The following MAGI2 variants were observed in gnomAD, a reference collection of about 807,000 sequenced individuals.
MAGI2 encodes membrane-associated guanylate kinase, WW and PDZ domain-containing protein 2.
In MAGI2, 35 loss-of-function variants were observed where a neutral mutation model predicts 133.3. The ratio of observed to expected loss-of-function variants is 0.26; its 90% CI spans 0.20 to 0.35. The LOEUF (loss-of-function observed/expected upper bound fraction) is 0.35, where lower values mean the gene tolerates loss of function less well. Among genes scored for constraint, MAGI2 ranks in the 10% least tolerant of loss-of-function variants. The probability of loss-of-function intolerance (pLI) is 1.00; values close to 1 mark genes in which losing one functional copy is unlikely to be tolerated. For synonymous variants in MAGI2, 729 were observed against 710.6 expected, an observed-to-expected ratio of 1.03 and a Z score of -0.41; for missense variants, 1,636 against 1,863.4, an observed-to-expected ratio of 0.88 and a Z score of 2.25.
intron 21 of MAGI2, among the ~76,000 whole-genome samples, chr7:78,045,162 T>C (rs559854179): frequency 6.6e-5 from 10 of 152,140 alleles, no homozygotes; most frequent in Non-Finnish European, 1.3e-4. Flanking sequence ...CGAGACTTGG[T>C]CTCAAAAAAT....
intron 2 of MAGI2, among the ~76,000 whole-genome samples, chr7:78,924,299 G>T (rs962724399): frequency 1.1e-4 from 16 of 152,114 alleles, no homozygotes; most frequent in Admixed American, 5.9e-4. Context: ...GTTTCCAGTT[G>T]TTGCCCATTC....
intron 3 of MAGI2, among the ~76,000 whole-genome samples, chr7:78,564,783 CTTTTTTTTTT>C (rs35069216): frequency 3.7e-4 from 24 of 64,362 alleles, no homozygotes; most frequent in Admixed American, 2.0e-3. Flanking sequence ...CTTTGACATT[CTTTTTTTTTT>C]TTTTTTTTTT....
At chr7:79,307,790 T>C (rs951801518) in intron 1 of MAGI2, among the ~76,000 whole-genome samples, 2 of 152,216 alleles carry the variant, frequency 1.3e-5, no homozygotes, top group Non-Finnish European at 2.9e-5. Flanking sequence ...TGTGATTCTT[T>C]AAAGTGTCAA....
chr7:78,253,815 G>A (rs1041985914), intron 10 of MAGI2: 1 of 152,074 alleles, frequency 6.6e-6, no homozygotes, highest in Non-Finnish European at 1.5e-5. Context: ...ACCACCCATG[G>A]TCCTGATATA....
At chr7:79,384,801 T>C (rs1261179912) in intron 1 of MAGI2, among the ~76,000 whole-genome samples, 2 of 151,758 alleles carry the variant, frequency 1.3e-5, no homozygotes, top group African/African-American at 4.8e-5. Context: ...GTTTTTGTAA[T>C]ATGTGGAATG....
chr7:78,962,239 T>C (rs561782625), intron 2 of MAGI2, among the ~76,000 whole-genome samples: 1 of 152,184 alleles, frequency 6.6e-6, no homozygotes, highest in South Asian at 2.1e-4. Flanking sequence ...TGATGGATTA[T>C]CATAAAGCAA....
chr7:79,275,175 A>G (rs1025186798), intron 1 of MAGI2, among the ~76,000 whole-genome samples: 2 of 152,206 alleles, frequency 1.3e-5, no homozygotes, highest in Admixed American at 1.3e-4. Flanking sequence ...TAGTGATGAG[A>G]TAGATCAAAA....
chr7:78,023,516 T>A (rs1193350472), intron 21 of MAGI2, among the ~76,000 whole-genome samples: 7 of 152,164 alleles, frequency 4.6e-5, no homozygotes, highest in African/African-American at 1.7e-4. Flanking sequence ...ATGCTCTAAC[T>A]ACAATTAGAA....
intron 1 of MAGI2, among the ~76,000 whole-genome samples, chr7:79,178,290 A>G (rs1826293745): frequency 6.6e-6 from 1 of 152,016 alleles, no homozygotes; most frequent in South Asian, 2.1e-4. Context: ...ACGTTCTAGC[A>G]CTGATGGTAT....
intron 3 of MAGI2, among the ~76,000 whole-genome samples, chr7:78,527,029 A>AAAAAAAG (rs1563125198): frequency 7.2e-5 from 9 of 124,902 alleles, no homozygotes; most frequent in African/African-American, 1.2e-4. Flanking sequence ...AAAAAAAAAA[A>AAAAAAAG]AAAAAGAAAA....
chr7:78,397,238 G>A (rs1796426286), intron 6 of MAGI2, among the ~76,000 whole-genome samples: 1 of 152,016 alleles, frequency 6.6e-6, no homozygotes, highest in African/African-American at 2.4e-5. Context: ...GAGAAATGAA[G>A]ATAAATTTGG....
intron 1 of MAGI2, among the ~76,000 whole-genome samples, chr7:79,094,829 C>T (rs1190073364): frequency 1.3e-5 from 2 of 152,082 alleles, no homozygotes; most frequent in African/African-American, 4.8e-5. Flanking sequence ...TATTCAGTAC[C>T]CATGTTGTAA....
intron 10 of MAGI2, among the ~76,000 whole-genome samples, chr7:78,230,605 G>C (rs1397945372): frequency 6.6e-6 from 1 of 152,010 alleles, no homozygotes; most frequent in African/African-American, 2.4e-5. Flanking sequence ...TGAAATTCTA[G>C]GCTCACAAAC....
At chr7:79,282,399 C>A (rs116881856) in intron 1 of MAGI2, among the ~76,000 whole-genome samples, 2,728 of 152,180 alleles carry the variant, frequency 0.018, 35 homozygotes, top group East Asian at 0.03. Flanking sequence ...ATCCTTGGAG[C>A]AAATAACTGC....
chr7:79,426,357 G>A (rs541610573), intron 1 of MAGI2, among the ~76,000 whole-genome samples: 13 of 151,368 alleles, frequency 8.6e-5, no homozygotes, highest in South Asian at 2.1e-4. Flanking sequence ...GTTTTCTTTC[G>A]CGGCATTTTC....
chr7:78,475,223 A>G (rs1287213253), intron 6 of MAGI2, among the ~76,000 whole-genome samples: 2 of 152,036 alleles, frequency 1.3e-5, no homozygotes, highest in Admixed American at 6.6e-5. Flanking sequence ...AACAATAGCA[A>G]CAGCTGGCTT....
At chr7:79,034,021 A>G (rs1810883023) in intron 1 of MAGI2, among the ~76,000 whole-genome samples, 1 of 152,198 alleles carries the variant, frequency 6.6e-6, no homozygotes, top group Admixed American at 6.5e-5. Context: ...ATTAGTCTTC[A>G]AAAGATTAAG....
chr7:79,244,563 C>T (rs142432500), intron 1 of MAGI2, among the ~76,000 whole-genome samples: 1 of 152,152 alleles, frequency 6.6e-6, no homozygotes, highest in Non-Finnish European at 1.5e-5. Flanking sequence ...GCATTTAGAC[C>T]AGCCATAGCC....
At chr7:78,879,238 TG>T (rs1295427542) in intron 2 of MAGI2, among the ~76,000 whole-genome samples, 4 of 152,188 alleles carry the variant, frequency 2.6e-5, no homozygotes, top group African/African-American at 9.6e-5. Context: ...CCACCCATAC[TG>T]GTGCCCCACA....
Sources: allele counts gnomAD v4.1 joint callset (sites outside exome capture counted in the v4.1 genomes callset), GRCh38; gene constraint gnomAD v4.1.1; transcripts MANE v1.5; gene names NCBI Gene and HGNC (gene_info 2026-07-23, HGNC 2026-07-21).